ELP1: variants seen among roughly 807,000 people sequenced by gnomAD.
ELP1 encodes elongator acetyltransferase complex subunit 1, also known as elongator complex protein 1.
ELP1 carries 131 observed loss-of-function variants against 183.2 expected under a neutral mutation model. That is an observed-to-expected ratio of 0.72 (90% CI 0.62 to 0.83). The LOEUF (loss-of-function observed/expected upper bound fraction) is 0.83, where lower values mean the gene tolerates loss of function less well. ELP1 is among the 40% of genes least tolerant of loss of function. The pLI, the probability that ELP1 is intolerant of heterozygous loss-of-function variation, is 0.00. For synonymous variants in ELP1, 555 were observed against 569.0 expected, an observed-to-expected ratio of 0.98 and a Z score of 0.35; for missense variants, 1,550 against 1,594.9, an observed-to-expected ratio of 0.97 and a Z score of 0.48.
intron 2 of ELP1, among the ~76,000 whole-genome samples, chr9:108,930,161 G>T (rs934596949): frequency 1.3e-5 from 2 of 152,044 alleles, no homozygotes; most frequent in Non-Finnish European, 2.9e-5. Flanking sequence ...AATAAGCCTG[G>T]TCTCTTTAAA....
chr9:108,918,895 C>G lies in ELP1; in HGVS notation c.656G>C (p.Arg219Pro). ...VSVVCPETGA[R>P]KVRVWNREFA... ...CTCTCGGTTCCACACTCTGACCTTC[C>G]GAGCCCCTGTGCGGGAGTGGAGTCA... is the stretch of plus-strand genomic sequence containing the variant. Residue 219 changes from arginine to proline, a missense_variant, in exon 8 of 37, where the codon CGG becomes CCG. By Grantham distance (103) the Arg-to-Pro change is moderately radical. Coordinates refer to ENST00000374647, the MANE Select transcript of ELP1 (RefSeq NM_003640.5). 1.2e-6 allele frequency: 2 copies of G among 1,613,936 alleles called. No homozygotes were observed. The highest frequency in any genetic ancestry group is 1.7e-6 in the Non-Finnish European group (2 of 1,179,820).
At chr9:108,886,650 A>T (rs531461348) in intron 29 of ELP1, among the ~76,000 whole-genome samples, 1 of 152,322 alleles carries the variant, frequency 6.6e-6, no homozygotes, top group African/African-American at 2.4e-5. Context: ...AACAGAAGGG[A>T]ATTTCCTCAA....
In ELP1 at chr9:108,898,555, G is replaced by C. The variant is rs1159912520; in HGVS notation, c.2310C>G (p.Phe770Leu). 1 of 1,604,000 alleles carries C rather than the reference G, an allele frequency of 6.2e-7. No individual in the cohort carries two copies. Among genetic ancestry groups the C allele is most frequent in the African/African-American group, 1.3e-5 (1 of 74,476 alleles). Residue 770 changes from phenylalanine to leucine, a missense_variant, in exon 22 of 37, where the codon TTC (phenylalanine) becomes TTG (leucine). Phe to Leu is a conservative substitution (Grantham distance 22). Coordinates refer to ENST00000374647, the MANE Select transcript of ELP1 (RefSeq NM_003640.5). ...PKVFLGNVET[F>L]IKQIDSVNHI... ...GATTCACAGAATCTATCTGTTTAAT[G>C]AAGGTTTCCACATTTCCAAGAAACA... is the stretch of plus-strand genomic sequence containing the variant.
rs527714708 is a variant in ELP1, at chr9:108,873,153, C to T, written c.3931+1742G>A. 1.2e-4 allele frequency among the ~76,000 whole-genome samples: 19 copies of T among 152,314 alleles called. No homozygotes were observed. In the South Asian group the frequency reaches 3.9e-3, roughly 32 times the overall value. On this transcript the variant is annotated intron_variant, in intron 36 of 36. Coordinates refer to ENST00000374647, the MANE Select transcript of ELP1 (RefSeq NM_003640.5). ...TATTTTGTCATCAATTGCAACAAGT[C>T]CAACCCAGCTGTGATTCAAGTACTT...
chr9:108,895,559 G>A (rs1316708441), intron 25 of ELP1, among the ~76,000 whole-genome samples: 1 of 152,152 alleles, frequency 6.6e-6, no homozygotes, highest in Admixed American at 6.5e-5. Context: ...ACAATACCAA[G>A]AAGTGAGAAT....
intron 36 of ELP1, among the ~76,000 whole-genome samples, chr9:108,872,827 A>AAAAAAC (rs1827534898): frequency 2.8e-5 from 3 of 107,970 alleles, no homozygotes; most frequent in Non-Finnish European, 6.6e-5. Context: ...AAAAAAAAAA[A>AAAAAAC]AAAAAAAAAA....
At chr9:108,928,291 CT>C (rs1329376634) in intron 3 of ELP1, among the ~76,000 whole-genome samples, 1 of 152,196 alleles carries the variant, frequency 6.6e-6, no homozygotes, top group Non-Finnish European at 1.5e-5. Context: ...AAATAAATAT[CT>C]TTTTCTTCCC....
intron 12 of ELP1, among the ~76,000 whole-genome samples, chr9:108,909,061 A>G (rs574065882): frequency 6.6e-6 from 1 of 152,004 alleles, no homozygotes; most frequent in South Asian, 2.1e-4. Flanking sequence ...GGACGCTCTT[A>G]CCCCAGATGT....
intron 33 of ELP1, among the ~76,000 whole-genome samples, chr9:108,879,104 TGAA>T (rs537045871): frequency 7.8e-4 from 119 of 152,316 alleles, no homozygotes; most frequent in African/African-American, 2.7e-3. Flanking sequence ...GATTTTGAAT[TGAA>T]GAAGCTTATC....
In ELP1 at chr9:108,902,869, G is replaced by A; in HGVS notation, c.1824C>T (p.Thr608=). The part of the protein sequence containing the change: ...GFPVRFPYPC[T]QTELAMIGEE... ...CTCCAATCATGGCCAATTCGGTCTG[G>A]GTGCATGGATAAGGAAACCGAACAG... The change falls in exon 16 of 37, where the codon ACC becomes ACT. Residue 608 remains threonine, a synonymous_variant. Coordinates refer to ENST00000374647, the MANE Select transcript of ELP1 (RefSeq NM_003640.5). 1 of 1,613,782 alleles carries A rather than the reference G, an allele frequency of 6.2e-7. No homozygotes were observed. The highest frequency in any genetic ancestry group is 1.7e-5 in the Admixed American group (1 of 60,004).
chr9:108,891,452 T>G, intron 27 of ELP1, 48 bp from the exon 28 acceptor site: 2 of 1,558,138 alleles, frequency 1.3e-6, no homozygotes, highest in Non-Finnish European at 1.8e-6. Context: ...TGACAATCAT[T>G]TCTCTAAAGC....
intron 15 of ELP1, among the ~76,000 whole-genome samples, chr9:108,903,361 C>CT (rs1252683017): frequency 6.6e-6 from 1 of 152,058 alleles, no homozygotes; most frequent in East Asian, 1.9e-4. Context: ...TCATCAATCA[C>CT]TTTTTTAAGA....
intron 29 of ELP1, among the ~76,000 whole-genome samples, chr9:108,885,178 AAAT>A (rs1179214932): frequency 1.1e-4 from 16 of 151,668 alleles, no homozygotes; most frequent in Admixed American, 7.2e-4. Context: ...TAAAATAATA[AAAT>A]AATAAAAAAA....
At chr9:108,918,443 T>G (rs543823766) in intron 8 of ELP1, among the ~76,000 whole-genome samples, 5 of 152,294 alleles carry the variant, frequency 3.3e-5, no homozygotes, top group Admixed American at 6.5e-5. Flanking sequence ...AAAAGCACCA[T>G]TTGCCCCACA....
rs776151340 is a variant in ELP1, at chr9:108,901,439, T to A, written c.2000A>T (p.Asp667Val). The A allele has an allele frequency of 4.3e-6, 7 of 1,611,228 alleles. No homozygotes were observed. The highest frequency in any genetic ancestry group is 5.1e-6 in the Non-Finnish European group (6 of 1,177,420). Residue 667 changes from aspartate (D) to valine (V), a missense_variant, in exon 18 of 37, where the codon GAT becomes GTT. Physicochemically the swap from Asp to Val is radical, Grantham distance 152. Transcript: ENST00000374647. Reference protein sequence around the residue: ...SHTCQCFCLRDASFKTLQAGL... With the variant: ...SHTCQCFCLRVASFKTLQAGL... ...TGAAAACTTACTTTTAAATGAAGCA[T>A]CCCTCAGGCAAAAACACTGGCAGGT... is the stretch of plus-strand genomic sequence containing the variant.
intron 29 of ELP1, among the ~76,000 whole-genome samples, chr9:108,886,373 A>G (rs1828121208): frequency 6.6e-6 from 1 of 152,182 alleles, no homozygotes; most frequent in Admixed American, 6.5e-5. Context: ...CATGGCAAAG[A>G]CACGAAAAAA....
At chr9:108,902,135 T>C (rs1828831093) in intron 16 of ELP1, among the ~76,000 whole-genome samples, 1 of 152,162 alleles carries the variant, frequency 6.6e-6, no homozygotes, top group Non-Finnish European at 1.5e-5. Context: ...CCACAATACT[T>C]CCATCCAGTC....
intron 34 of ELP1, 93 bp downstream of exon 34, chr9:108,878,530 T>C: frequency 6.6e-7 from 1 of 1,520,660 alleles, no homozygotes; most frequent in East Asian, 2.3e-5. Context: ...ATTGGGAAAA[T>C]GGTAGCTTAA....
intron 9 of ELP1, among the ~76,000 whole-genome samples, chr9:108,917,253 A>G (rs1829471787): frequency 6.6e-6 from 1 of 152,190 alleles, no homozygotes; most frequent in Non-Finnish European, 1.5e-5. Context: ...GGATCACCTG[A>G]GGTCAGGGGT....
Sources: gnomAD v4.1 joint callset for allele counts (sites outside exome capture counted in the v4.1 genomes callset) on GRCh38, gnomAD v4.1.1 for gene constraint, MANE v1.5 for transcripts, NCBI Gene and HGNC (gene_info 2026-07-23, HGNC 2026-07-21) for gene names.